Variants in P4HA1 observed in about 807,000 individuals in gnomAD.
P4HA1 encodes prolyl 4-hydroxylase subunit alpha-1.
A neutral mutation model predicts 72.8 loss-of-function variants in P4HA1; 24 were observed. That is an observed-to-expected ratio of 0.33 (90% CI 0.24 to 0.46). The LOEUF is 0.46. P4HA1 is among the 20% of genes least tolerant of loss of function. P4HA1 has a pLI of 1.00. For synonymous variants in P4HA1, 201 were observed against 218.8 expected (o/e 0.92, Z 0.72); for missense variants, 446 against 640.6 (o/e 0.70, Z 3.28).
chr10:73,013,349 G>T (rs964815361), intron 12 of P4HA1, among the ~76,000 whole-genome samples: 5 of 152,130 alleles, frequency 3.3e-5, no homozygotes, highest in African/African-American at 4.8e-5. Flanking sequence ...CTTTTGCATT[G>T]TTCTTTTGGG....
chr10:73,059,478 T>C, intron 5 of P4HA1, among the ~76,000 whole-genome samples: 2 of 115,024 alleles, frequency 1.7e-5, no homozygotes, highest in Non-Finnish European at 1.7e-5. Flanking sequence ...GCGCAGTGGC[T>C]CACGCCTGTA....
At chr10:73,096,466 T>G (rs1161578944) in intron 1 of P4HA1, among the ~76,000 whole-genome samples, 1 of 149,488 alleles carries the variant, frequency 6.7e-6, no homozygotes, top group African/African-American at 2.5e-5. Flanking sequence ...GGAAGGAAAA[T>G]TCAAGAAAGT....
chr10:73,089,091 T>C (rs1044317130), intron 1 of P4HA1, among the ~76,000 whole-genome samples: 1 of 152,240 alleles, frequency 6.6e-6, no homozygotes, highest in African/African-American at 2.4e-5. Flanking sequence ...GTAGGTATCT[T>C]AATACTGAGT....
chr10:73,083,394 T>C (rs570934195), intron 1 of P4HA1, among the ~76,000 whole-genome samples: 42 of 152,322 alleles, frequency 2.8e-4, no homozygotes, highest in African/African-American at 9.6e-4. Context: ...CTGAGCAGTA[T>C]TGTAGCACTT....
intron 9 of P4HA1, among the ~76,000 whole-genome samples, chr10:73,043,658 G>A (rs1381761756): frequency 6.6e-6 from 1 of 152,054 alleles, no homozygotes; most frequent in African/African-American, 2.4e-5. Flanking sequence ...TCAAAGTTTG[G>A]GGAGCCTCAA....
intron 5 of P4HA1, among the ~76,000 whole-genome samples, chr10:73,060,816 AAAT>A (rs940490395): frequency 2.0e-5 from 3 of 152,180 alleles, no homozygotes; most frequent in Admixed American, 1.3e-4. Context: ...TACAAAAAAA[AAAT>A]AATAATATCC....
chr10:73,026,487 TA>T (rs1343247964), intron 10 of P4HA1, among the ~76,000 whole-genome samples: 4 of 152,148 alleles, frequency 2.6e-5, no homozygotes, highest in Admixed American at 6.6e-5. Flanking sequence ...ATGTTAGACC[TA>T]AAACCATAAA....
intron 12 of P4HA1, among the ~76,000 whole-genome samples, chr10:73,013,942 T>C (rs1018097256): frequency 6.6e-6 from 1 of 152,124 alleles, no homozygotes; most frequent in African/African-American, 2.4e-5. Context: ...TATACACATA[T>C]TATATATTAC....
chr10:73,091,803 C>T (rs1171896850), intron 1 of P4HA1, among the ~76,000 whole-genome samples: 1 of 152,134 alleles, frequency 6.6e-6, no homozygotes, highest in Non-Finnish European at 1.5e-5. Context: ...CTCATATGTA[C>T]CTATAACATT....
Position 73,093,691 on chromosome 10 carries a change from A to C in P4HA1, c.-33+3075T>G, listed in dbSNP as rs549001721. ...ACCCCGTCTCTACTAAAAATACAAA[A>C]AATTAGCTGGGCGTGATGGTGGGCG... On this transcript the variant is annotated intron_variant, in intron 1 of 14. Transcript: ENST00000394890. Among the ~76,000 whole-genome samples, 266 of 150,260 alleles carry C rather than the reference A, an allele frequency of 1.8e-3. 3 individuals are homozygous for C. The highest frequency in any genetic ancestry group is 6.2e-3 in the African/African-American group (252 of 40,932).
chr10:73,015,665 CTG>C (rs1050086329), intron 11 of P4HA1, among the ~76,000 whole-genome samples: 2 of 152,220 alleles, frequency 1.3e-5, no homozygotes, highest in Non-Finnish European at 2.9e-5. Context: ...GCAGCCTACA[CTG>C]TGGCAGATCC....
chr10:73,023,607 G>A (rs1444051312), intron 10 of P4HA1, among the ~76,000 whole-genome samples: 1 of 152,082 alleles, frequency 6.6e-6, no homozygotes, highest in Non-Finnish European at 1.5e-5. Flanking sequence ...AAAATAACCA[G>A]CGAACATCAT....
intron 3 of P4HA1, 96 bp from the exon 4 acceptor site, chr10:73,072,276 G>T: frequency 2.1e-6 from 2 of 932,624 alleles, no homozygotes; most frequent in South Asian, 1.7e-5. Context: ...AGAAGTTTTT[G>T]AGTTCAACTA....
intron 12 of P4HA1, among the ~76,000 whole-genome samples, chr10:73,012,443 T>C (rs1387881294): frequency 6.6e-6 from 1 of 152,224 alleles, no homozygotes; most frequent in Non-Finnish European, 1.5e-5. Context: ...TGAATTTGTA[T>C]ACCGTACTAA....
intron 8 of P4HA1, among the ~76,000 whole-genome samples, chr10:73,046,373 T>G (rs1840864095): frequency 6.6e-6 from 1 of 152,222 alleles, no homozygotes; most frequent in Admixed American, 6.5e-5. Context: ...AGAGTTTTTA[T>G]GCTCAACACT....
chr10:73,073,156 C>G (rs1236264260), intron 3 of P4HA1, among the ~76,000 whole-genome samples: 1 of 122,200 alleles, frequency 8.2e-6, no homozygotes, highest in Non-Finnish European at 1.6e-5. Flanking sequence ...GGCAACAGAG[C>G]AAGACTCTGT....
intron 9 of P4HA1, among the ~76,000 whole-genome samples, chr10:73,039,854 CTTTTTTTT>C (rs765288935): frequency 2.3e-5 from 2 of 86,998 alleles, no homozygotes; most frequent in South Asian, 9.4e-4. Context: ...CTGAGATGGC[CTTTTTTTT>C]TTTTTTTTTT....
intron 2 of P4HA1, among the ~76,000 whole-genome samples, chr10:73,074,540 TTAGA>T (rs1247197011): frequency 6.6e-6 from 1 of 152,108 alleles, no homozygotes; most frequent in African/African-American, 2.4e-5. Context: ...AAAAAGCAGA[TTAGA>T]TATATATGCA....
chr10:73,015,724 C>G (rs1589573179), intron 11 of P4HA1, among the ~76,000 whole-genome samples: 1 of 152,194 alleles, frequency 6.6e-6, no homozygotes, highest in South Asian at 2.1e-4. Context: ...CCTGGAGGCA[C>G]ATACCTCCAG....
Sources: allele counts gnomAD v4.1 joint callset (sites outside exome capture counted in the v4.1 genomes callset), GRCh38; gene constraint gnomAD v4.1.1; transcripts MANE v1.5; gene names NCBI Gene and HGNC (gene_info 2026-07-23, HGNC 2026-07-21).